NALF1: variants seen among roughly 807,000 people sequenced by gnomAD.
NALF1 encodes NALCN channel auxiliary factor 1.
In NALF1, 3 loss-of-function variants were observed where a neutral mutation model predicts 48.4. The observed-to-expected ratio is 0.06, with a 90% CI of 0.03 to 0.16. The LOEUF (loss-of-function observed/expected upper bound fraction) is 0.16, where lower values mean the gene tolerates loss of function less well. Ranked by LOEUF, NALF1 falls within the 10% of genes least tolerant of loss-of-function variation. The pLI, the probability that NALF1 is intolerant of heterozygous loss-of-function variation, is 1.00. For missense variants in NALF1, 526 were observed against 571.5 expected, an observed-to-expected ratio of 0.92 and a Z score of 0.81; for synonymous variants, 262 against 245.7, an observed-to-expected ratio of 1.07 and a Z score of -0.62.
chr13:107,521,694 C>T (rs1461401865), intron 1 of NALF1, among the ~76,000 whole-genome samples: 5 of 152,214 alleles, frequency 3.3e-5, no homozygotes, highest in Non-Finnish European at 7.4e-5. Flanking sequence ...TTGCTCTCAT[C>T]AGCTGGTTAG....
chr13:107,723,703 C>G (rs372564393), intron 1 of NALF1, among the ~76,000 whole-genome samples: 1 of 152,098 alleles, frequency 6.6e-6, no homozygotes, highest in Non-Finnish European at 1.5e-5. Context: ...CCTCTTACAG[C>G]GCACATGCAA....
chr13:107,191,185 T>A (rs1447774249), intron 2 of NALF1, among the ~76,000 whole-genome samples: 1 of 152,138 alleles, frequency 6.6e-6, no homozygotes, highest in Admixed American at 6.5e-5. Flanking sequence ...GTCATTGGTT[T>A]GCACCTATTT....
chr13:107,472,757 T>C (rs1466790500), intron 1 of NALF1, among the ~76,000 whole-genome samples: 1 of 152,132 alleles, frequency 6.6e-6, no homozygotes, highest in Non-Finnish European at 1.5e-5. Flanking sequence ...ACTTCCTGAC[T>C]TTTGAGGTTT....
rs1257089138 is a variant in NALF1 at position 107,164,495 on chromosome 13, A to G, written c.*6002T>C. 7.3e-6 allele frequency: 1 copy of G among 137,292 alleles called. No homozygotes were observed. Among genetic ancestry groups the G allele is most frequent in the East Asian group, 2.2e-4 (1 of 4,564 alleles). The allele number at this position is 137,292 out of a possible 1,614,324, so 8.5% of individuals were successfully genotyped here. On this transcript the variant is annotated 3_prime_UTR_variant, in exon 3 of 3. Coordinates refer to ENST00000375915, the MANE Select transcript of NALF1 (RefSeq NM_001080396.3). ...AGGAATTCAGAGGCATCAAATATTT[A>G]TATATATTTTTTGATCTATGAGTGC... is the stretch of plus-strand genomic sequence containing the variant.
At chr13:107,711,236 G>C (rs78631184) in intron 1 of NALF1, among the ~76,000 whole-genome samples, 2,650 of 152,312 alleles carry the variant, frequency 0.017, 53 homozygotes, top group East Asian at 0.091. Flanking sequence ...TGCCAAAAGA[G>C]TGCCCTTTTT....
intron 1 of NALF1, among the ~76,000 whole-genome samples, chr13:107,762,861 AAGAG>A (rs1269432762): frequency 6.6e-6 from 1 of 152,192 alleles, no homozygotes; most frequent in African/African-American, 2.4e-5. Flanking sequence ...TTAAAAAAGA[AAGAG>A]AGTCTTAAAA....
chr13:107,201,774 C>G (rs1430972404), intron 2 of NALF1, among the ~76,000 whole-genome samples: 1 of 152,134 alleles, frequency 6.6e-6, no homozygotes, highest in African/African-American at 2.4e-5. Context: ...CAAAAAAAGA[C>G]TAAAACATGG....
rs535773578 is a variant in NALF1 at position 107,182,010 on chromosome 13, T to C, written c.1088-11224A>G. ...TTTTTAAATTTTTTTCCATAATTTT[T>C]CTTTATACTTTTCTCTGTATCACAT... On this transcript the variant is annotated intron_variant, in intron 2 of 2. Transcript: ENST00000375915. Among the ~76,000 whole-genome samples, 5 of 152,262 alleles carry C rather than the reference T, an allele frequency of 3.3e-5. No homozygotes were observed. The South Asian group carries it at 1.0e-3, about 32-fold the overall frequency.
intron 1 of NALF1, among the ~76,000 whole-genome samples, chr13:107,524,734 A>G (rs1309684680): frequency 1.3e-5 from 2 of 152,148 alleles, no homozygotes; most frequent in Admixed American, 1.3e-4. Flanking sequence ...AATAAGATGG[A>G]TGGCTCAAAA....
At chr13:107,854,077 C>T (rs537948706) in intron 1 of NALF1, among the ~76,000 whole-genome samples, 1 of 152,326 alleles carries the variant, frequency 6.6e-6, no homozygotes, top group South Asian at 2.1e-4. Context: ...TTTATTCACT[C>T]AGAGCTGAAT....
chr13:107,224,384 T>C (rs888934955), intron 1 of NALF1, among the ~76,000 whole-genome samples: 2 of 150,452 alleles, frequency 1.3e-5, no homozygotes, highest in African/African-American at 4.9e-5. Context: ...TATGTCATTG[T>C]ATATACAAAT....
Position 107,210,570 on chromosome 13 carries a change from A to T in NALF1, c.1087+14T>A. 2 of 1,597,504 alleles carry T rather than the reference A, an allele frequency of 1.3e-6. No individual in the cohort carries two copies. The highest frequency in any genetic ancestry group is 8.6e-7 in the Non-Finnish European group (1 of 1,165,182). Reference sequence around the variant, plus strand: ...ACCGGAGACTGGTGTACAGACTCCCACCCGGCACTGTACCTGTACAGATGA... The same window carrying T: ...ACCGGAGACTGGTGTACAGACTCCCTCCCGGCACTGTACCTGTACAGATGA... On this transcript the variant is annotated intron_variant, in intron 2 of 2. Coordinates refer to ENST00000375915, the MANE Select transcript of NALF1 (RefSeq NM_001080396.3).
intron 1 of NALF1, among the ~76,000 whole-genome samples, chr13:107,228,294 G>C (rs761051047): frequency 6.6e-6 from 1 of 152,126 alleles, no homozygotes; most frequent in Non-Finnish European, 1.5e-5. Context: ...AGTGAAATCA[G>C]GCCATGAAAC....
intron 2 of NALF1, among the ~76,000 whole-genome samples, chr13:107,189,510 T>C (rs991196472): frequency 2.6e-5 from 4 of 152,102 alleles, no homozygotes; most frequent in African/African-American, 9.7e-5. Flanking sequence ...TCACATGGAT[T>C]CCCGGAGAAG....
intron 1 of NALF1, among the ~76,000 whole-genome samples, chr13:107,679,238 AG>A (rs1421681312): frequency 6.6e-6 from 1 of 152,240 alleles, no homozygotes; most frequent in Non-Finnish European, 1.5e-5. Context: ...AAATTATGGC[AG>A]GAAAATATGC....
intron 1 of NALF1, among the ~76,000 whole-genome samples, chr13:107,601,672 A>T (rs17349270): frequency 0.031 from 4,653 of 152,228 alleles, 110 homozygotes; most frequent in Non-Finnish European, 0.047. Context: ...TCTCATTCGC[A>T]ACTGTTTTAG....
chr13:107,840,626 CA>C (rs1321703852), intron 1 of NALF1, among the ~76,000 whole-genome samples: 2 of 152,166 alleles, frequency 1.3e-5, no homozygotes. Context: ...CATGCAGCTG[CA>C]AATTAGTTTC....
intron 1 of NALF1, among the ~76,000 whole-genome samples, chr13:107,860,488 C>T (rs977307099): frequency 1.6e-4 from 24 of 152,174 alleles, no homozygotes; most frequent in South Asian, 2.1e-4. Flanking sequence ...CCCATGACAC[C>T]GGCAGGACGA....
rs890752560 is a variant in NALF1, at chr13:107,246,857, T to C, written c.916-36102A>G. Among the ~76,000 whole-genome samples, 9 of 152,302 alleles carry C rather than the reference T, an allele frequency of 5.9e-5. No individual in the cohort carries two copies. In the East Asian group the frequency reaches 1.5e-3, roughly 26 times the overall value. On this transcript the variant is annotated intron_variant, in intron 1 of 2. Coordinates refer to ENST00000375915, the MANE Select transcript of NALF1 (RefSeq NM_001080396.3). Reference sequence around the variant, plus strand: ...AGAATTTCATCTTTCAATGATACTTTTCAAAATTATAATAAACAACTAATT... The same window carrying C: ...AGAATTTCATCTTTCAATGATACTTCTCAAAATTATAATAAACAACTAATT...
Sources: gnomAD v4.1 joint callset for allele counts (sites outside exome capture counted in the v4.1 genomes callset) on GRCh38, gnomAD v4.1.1 for gene constraint, MANE v1.5 for transcripts, NCBI Gene and HGNC (gene_info 2026-07-23, HGNC 2026-07-21) for gene names.